The following PIP5K1B variants were observed in gnomAD, a reference collection of about 807,000 sequenced individuals.
PIP5K1B encodes the protein phosphatidylinositol-4-phosphate 5-kinase type 1 beta.
Under a neutral mutation model 67.0 loss-of-function variants are expected in PIP5K1B, and 42 were observed. The ratio of observed to expected loss-of-function variants is 0.63; its 90% confidence interval spans 0.49 to 0.81. The LOEUF (loss-of-function observed/expected upper bound fraction) is 0.81. Ranked by LOEUF, PIP5K1B falls within the 30% of genes least tolerant of loss-of-function variation. The pLI is 0.00. For missense variants in PIP5K1B, 459 were observed against 646.3 expected (o/e 0.71, Z 3.14); for synonymous variants, 214 against 231.4 (o/e 0.92, Z 0.68).
intron 2 of PIP5K1B, among the ~76,000 whole-genome samples, chr9:68,798,364 A>T (rs181050385): frequency 6.6e-6 from 1 of 152,340 alleles, no homozygotes; most frequent in Non-Finnish European, 1.5e-5. Context: ...CCTAATAGAC[A>T]TGTTAAGCTG....
intron 5 of PIP5K1B, among the ~76,000 whole-genome samples, chr9:68,866,905 C>T (rs768983047): frequency 2.0e-5 from 3 of 151,792 alleles, no homozygotes; most frequent in East Asian, 1.9e-4. Context: ...GGTGGGTACT[C>T]GAATTAAAAA....
chr9:68,727,154 A>T (rs942628462), intron 1 of PIP5K1B, among the ~76,000 whole-genome samples: 4 of 152,200 alleles, frequency 2.6e-5, no homozygotes, highest in Admixed American at 2.0e-4. Flanking sequence ...CTTCAAGAGG[A>T]GGCCAGGGCA....
At chr9:68,888,216 C>G (rs2132377145) in intron 6 of PIP5K1B, among the ~76,000 whole-genome samples, 1 of 152,010 alleles carries the variant, frequency 6.6e-6, no homozygotes, top group East Asian at 1.9e-4. Flanking sequence ...CTGACCTCGT[C>G]ATCCACCCGC....
At chr9:68,878,874 G>T (rs1824031205) in intron 6 of PIP5K1B, among the ~76,000 whole-genome samples, 1 of 152,172 alleles carries the variant, frequency 6.6e-6, no homozygotes, top group South Asian at 2.1e-4. Flanking sequence ...GATTTTAAAA[G>T]GTAGAAAAGA....
intron 4 of PIP5K1B, among the ~76,000 whole-genome samples, chr9:68,823,555 A>T (rs1040304928): frequency 1.3e-5 from 2 of 152,214 alleles, no homozygotes; most frequent in African/African-American, 4.8e-5. Context: ...TTCCTAATGT[A>T]TCTTAACTTA....
intron 8 of PIP5K1B, among the ~76,000 whole-genome samples, chr9:68,907,116 T>C (rs1415566744): frequency 6.6e-6 from 1 of 152,234 alleles, no homozygotes; most frequent in Non-Finnish European, 1.5e-5. Context: ...GTTAGTAATA[T>C]TGCAGTCTCT....
chr9:68,873,947 T>G (rs1823753716), intron 5 of PIP5K1B, among the ~76,000 whole-genome samples: 1 of 152,166 alleles, frequency 6.6e-6, no homozygotes, highest in African/African-American at 2.4e-5. Context: ...AGCCATAAAA[T>G]AAAACCTACT....
At chr9:68,987,941 A>T (rs1587766295) in intron 14 of PIP5K1B, among the ~76,000 whole-genome samples, 1 of 152,186 alleles carries the variant, frequency 6.6e-6, no homozygotes, top group South Asian at 2.1e-4. Context: ...TGAGATTTGG[A>T]TGGGGGGACA....
intron 2 of PIP5K1B, among the ~76,000 whole-genome samples, chr9:68,805,002 A>G (rs1346992526): frequency 6.6e-6 from 1 of 152,220 alleles, no homozygotes; most frequent in African/African-American, 2.4e-5. Context: ...CCAGAATGCA[A>G]GTGCGTTGGC....
chr9:68,728,010 A>C (rs1236612468), intron 1 of PIP5K1B, among the ~76,000 whole-genome samples: 1 of 152,228 alleles, frequency 6.6e-6, no homozygotes, highest in Non-Finnish European at 1.5e-5. Context: ...AAAGAAAAAT[A>C]AGTGCATTAT....
intron 1 of PIP5K1B, among the ~76,000 whole-genome samples, chr9:68,727,892 T>A (rs1828232914): frequency 6.6e-6 from 1 of 152,172 alleles, no homozygotes; most frequent in African/African-American, 2.4e-5. Flanking sequence ...TCTGAGGCCA[T>A]CCCCTAAAGA....
At chr9:68,986,245 C>T (rs1163421641) in intron 14 of PIP5K1B, among the ~76,000 whole-genome samples, 1 of 152,212 alleles carries the variant, frequency 6.6e-6, no homozygotes, top group East Asian at 1.9e-4. Flanking sequence ...ACCTCCTCTC[C>T]AACAAGTTTA....
intron 12 of PIP5K1B, among the ~76,000 whole-genome samples, chr9:68,930,072 G>T (rs1345766423): frequency 6.6e-6 from 1 of 152,164 alleles, no homozygotes; most frequent in South Asian, 2.1e-4. Flanking sequence ...GACTTCCCTG[G>T]TTGCCTTCCA....
At chr9:68,744,829 A>T (rs1829203746) in intron 2 of PIP5K1B, among the ~76,000 whole-genome samples, 1 of 151,644 alleles carries the variant, frequency 6.6e-6, no homozygotes, top group Non-Finnish European at 1.5e-5. Flanking sequence ...GGGCTGCTGC[A>T]CTCTCTTCAG....
chr9:68,778,319 A>AG (rs931627066), intron 2 of PIP5K1B, among the ~76,000 whole-genome samples: 7 of 152,182 alleles, frequency 4.6e-5, no homozygotes, highest in African/African-American at 1.7e-4. Flanking sequence ...AGTGCCTAGC[A>AG]GGGAGTAGGC....
At chr9:68,958,461 G>A (rs1412225725) in intron 14 of PIP5K1B, among the ~76,000 whole-genome samples, 1 of 152,096 alleles carries the variant, frequency 6.6e-6, no homozygotes, top group Non-Finnish European at 1.5e-5. Context: ...CTAAAAGCCT[G>A]TTCTGGAAAT....
At chr9:68,870,509 A>G (rs1823579439) in intron 5 of PIP5K1B, among the ~76,000 whole-genome samples, 5 of 152,226 alleles carry the variant, frequency 3.3e-5, no homozygotes, top group African/African-American at 1.2e-4. Context: ...CTCTCTCTCT[A>G]GTTACGTAAA....
intron 14 of PIP5K1B, among the ~76,000 whole-genome samples, chr9:68,984,184 A>T (rs1830009494): frequency 6.6e-6 from 1 of 152,240 alleles, no homozygotes; most frequent in African/African-American, 2.4e-5. Flanking sequence ...CTTACTCAGA[A>T]GGGTTAAGAA....
chr9:68,870,977 T>C (rs1823597501), intron 5 of PIP5K1B, among the ~76,000 whole-genome samples: 1 of 152,228 alleles, frequency 6.6e-6, no homozygotes, highest in Non-Finnish European at 1.5e-5. Context: ...ACTGGTCCCC[T>C]TGTGTTGTCT....
Sources: allele counts gnomAD v4.1 joint callset (sites outside exome capture counted in the v4.1 genomes callset), GRCh38; gene constraint gnomAD v4.1.1; transcripts MANE v1.5; gene names NCBI Gene and HGNC (gene_info 2026-07-23, HGNC 2026-07-21).